The following NBR1 variants were observed in gnomAD, a reference collection of about 807,000 sequenced individuals.
NBR1 encodes the protein next to BRCA1 gene 1 protein.
Under a neutral mutation model 115.5 loss-of-function variants are expected in NBR1, and 59 were observed. That is an observed-to-expected ratio of 0.51 (90% CI 0.41 to 0.63). The LOEUF (loss-of-function observed/expected upper bound fraction) is 0.63. Ranked by LOEUF, NBR1 falls within the 30% of genes least tolerant of loss-of-function variation. The probability of loss-of-function intolerance (pLI) is 0.00; values close to 1 mark genes in which losing one functional copy is unlikely to be tolerated. For synonymous variants in NBR1, 373 were observed against 414.7 expected (o/e 0.90, Z 1.22); for missense variants, 1,043 against 1,150.5 (o/e 0.91, Z 1.35).
intron 18 of NBR1, 127 bp from the exon 19 acceptor site, chr17:43,202,523 TAAAAA>T: frequency 2.1e-6 from 1 of 487,494 alleles, no homozygotes; most frequent in Middle Eastern, 5.5e-4. Flanking sequence ...CCAAATACTT[TAAAAA>T]AAAAAAAAAA....
chr17:43,193,730 G>C, intron 12 of NBR1, 92 bp downstream of exon 12: 2 of 1,379,050 alleles, frequency 1.5e-6, no homozygotes, highest in East Asian at 5.0e-5. Flanking sequence ...ATAGCTGGTT[G>C]TTTTCCAGAA....
chr17:43,183,787 A>G (rs2056732914), intron 5 of NBR1, among the ~76,000 whole-genome samples: 1 of 150,612 alleles, frequency 6.6e-6, no homozygotes, highest in African/African-American at 2.4e-5. Flanking sequence ...AGCCACACTA[A>G]TAGCTGGGAT....
intron 12 of NBR1, 113 bp downstream of exon 12, chr17:43,193,751 G>A (rs2057005665): frequency 3.4e-6 from 4 of 1,161,190 alleles, no homozygotes; most frequent in African/African-American, 1.6e-5. Flanking sequence ...ACCTTGAAAG[G>A]TTAGCATCTC....
chr17:43,171,413 T>A (rs1447137170), intron 1 of NBR1, 111 bp downstream of exon 1: 2 of 152,404 alleles, frequency 1.3e-5, no homozygotes, highest in African/African-American at 4.8e-5. Flanking sequence ...TTTCCGTGTT[T>A]CGGGACAGCT....
Position 43,193,253 on chromosome 17 carries a change from G to A in NBR1, c.1233G>A (p.Lys411=). ...TGNVKWSADT[K]LKFMWGNLTL... is the part of the protein sequence containing the mutation. Reference sequence around the variant, plus strand: ...ATGTAAAGTGGAGTGCAGACACAAAGGTAATTTTTCCCACAAAATGCAAAG... The same window carrying A: ...ATGTAAAGTGGAGTGCAGACACAAAAGTAATTTTTCCCACAAAATGCAAAG... The change falls in exon 11 of 21, where the codon AAG becomes AAA. Residue 411 remains lysine, a splice_region_variant and synonymous_variant. Coordinates refer to ENST00000590996, the MANE Select transcript of NBR1 (RefSeq NM_005899.5). 6.2e-7 allele frequency: 1 copy of A among 1,613,856 alleles called. No homozygotes were observed. The highest frequency in any genetic ancestry group is 8.5e-7 in the Non-Finnish European group (1 of 1,179,818).
chr17:43,174,318 C>T (rs185557034), intron 1 of NBR1, among the ~76,000 whole-genome samples: 2 of 152,014 alleles, frequency 1.3e-5, no homozygotes, highest in South Asian at 2.1e-4. Context: ...AAAAATAGTC[C>T]GGGCATGGTG....
At chr17:43,194,814 C>A in intron 13 of NBR1, 150 bp from the exon 14 acceptor site, 1 of 656,434 alleles carries the variant, frequency 1.5e-6, no homozygotes, top group Non-Finnish European at 2.7e-6. Context: ...ATCTAATTCC[C>A]ATTTAACTCT....
At chr17:43,184,656 G>A (rs550626999) in intron 5 of NBR1, among the ~76,000 whole-genome samples, 26 of 151,630 alleles carry the variant, frequency 1.7e-4, no homozygotes, top group Admixed American at 4.6e-4. Flanking sequence ...ATGAGCCACC[G>A]CGCCTGGCCC....
intron 5 of NBR1, among the ~76,000 whole-genome samples, chr17:43,183,802 G>A (rs1295108621): frequency 6.6e-6 from 1 of 152,098 alleles, no homozygotes; most frequent in Non-Finnish European, 1.5e-5. Flanking sequence ...TGGGATTACA[G>A]GCATGTGCCA....
intron 16 of NBR1, among the ~76,000 whole-genome samples, chr17:43,198,145 C>T (rs1184052653): frequency 2.1e-5 from 3 of 140,630 alleles, no homozygotes; most frequent in African/African-American, 8.0e-5. Flanking sequence ...TCCAGCCTGG[C>T]AACAAGAGTG....
Position 43,200,424 on chromosome 17 carries a change from C to T in NBR1, c.2284C>T (p.Arg762Ter), listed in dbSNP as rs1197064962. 2 of 1,610,122 alleles carry T rather than the reference C, an allele frequency of 1.2e-6. No homozygotes were observed. Among genetic ancestry groups the T allele is most frequent in the Non-Finnish European group, 1.7e-6 (2 of 1,178,222 alleles). The change falls in exon 17 of 21, where the codon CGA becomes TGA. Residue 762 changes from arginine to a stop codon, truncating the protein, a stop_gained. Transcript: ENST00000590996. LOFTEE classifies it high-confidence loss of function. ...SSALSQPGLE[R>*]GAEGKPGVEA... ...TGCGCTCTCACAGCCAGGCCTGGAG[C>T]GAGGTGCTGAAGGCAAGCCTGGGGT... is the stretch of plus-strand genomic sequence containing the variant.
At chr17:43,194,859 T>G (rs984315124) in intron 13 of NBR1, 105 bp from the exon 14 acceptor site, 14 of 828,476 alleles carry the variant, frequency 1.7e-5, no homozygotes, top group Non-Finnish European at 2.7e-5. Flanking sequence ...AGGCATGAAT[T>G]TGAACAGAGT....
chr17:43,193,729 T>G, intron 12 of NBR1, 91 bp downstream of exon 12: 3 of 1,389,590 alleles, frequency 2.2e-6, no homozygotes, highest in South Asian at 1.5e-5. Flanking sequence ...CATAGCTGGT[T>G]GTTTTCCAGA....
intron 1 of NBR1, among the ~76,000 whole-genome samples, chr17:43,172,729 G>A (rs2056406665): frequency 6.6e-6 from 1 of 152,176 alleles, no homozygotes; most frequent in Admixed American, 6.5e-5. Flanking sequence ...TCAAAAAAGT[G>A]CCTTTAAATG....
At chr17:43,191,214 ACTGTACTCCAGC>A (rs2056936172) in intron 9 of NBR1, among the ~76,000 whole-genome samples, 146 bp from the exon 10 acceptor site, 1 of 152,136 alleles carries the variant, frequency 6.6e-6, no homozygotes, top group Non-Finnish European at 1.5e-5. Context: ...TGATTAGACC[ACTGTACTCCAGC>A]CTACATGACA....
chr17:43,179,151 C>T (rs2056600906), intron 3 of NBR1, among the ~76,000 whole-genome samples: 2 of 152,216 alleles, frequency 1.3e-5, no homozygotes, highest in African/African-American at 4.8e-5. Context: ...TCCATACCCT[C>T]TGGCTGTAGA....
At chr17:43,195,139 G>T in intron 14 of NBR1, 100 bp downstream of exon 14, 1 of 905,000 alleles carries the variant, frequency 1.1e-6, no homozygotes, top group Non-Finnish European at 1.8e-6. Flanking sequence ...AAATGGCAAG[G>T]ATTTCTCCCA....
intron 16 of NBR1, among the ~76,000 whole-genome samples, chr17:43,199,215 C>T (rs1283806342): frequency 1.3e-5 from 2 of 151,954 alleles, no homozygotes; most frequent in South Asian, 2.1e-4. Flanking sequence ...ACTGGGACCA[C>T]AGCCACATGC....
intron 4 of NBR1, among the ~76,000 whole-genome samples, chr17:43,180,106 C>G (rs1397917858): frequency 6.6e-6 from 1 of 152,126 alleles, no homozygotes; most frequent in Non-Finnish European, 1.5e-5. Flanking sequence ...GTACATTTAA[C>G]AAATTTTTAT....
Sources: gnomAD v4.1 joint callset for allele counts (sites outside exome capture counted in the v4.1 genomes callset) on GRCh38, gnomAD v4.1.1 for gene constraint, MANE v1.5 for transcripts, NCBI Gene and HGNC (gene_info 2026-07-23, HGNC 2026-07-21) for gene names.